Variants in COX20 observed in about 807,000 individuals in gnomAD.
COX20 encodes the protein cytochrome c oxidase assembly protein COX20, mitochondrial.
Under a neutral mutation model 14.3 loss-of-function variants are expected in COX20, and 14 were observed. That is an observed-to-expected ratio of 0.98 (90% CI 0.65 to 1.53). The LOEUF is 1.53. Among genes scored for constraint, COX20 ranks in the 40% most tolerant of loss-of-function variants. COX20 has a pLI of 0.00. For synonymous variants in COX20, 56 were observed against 51.7 expected, an observed-to-expected ratio of 1.08 and a Z score of -0.36; for missense variants, 149 against 142.1, an observed-to-expected ratio of 1.05 and a Z score of -0.25.
At chr1:244,841,466 T>C (rs1680197618) in intron 1 of COX20, 1 of 156,098 alleles carries the variant, frequency 6.4e-6, no homozygotes, top group Non-Finnish European at 1.4e-5. Flanking sequence ...GATGTTAACC[T>C]AGTTAATAAA....
At chr1:244,835,433 T>G, upstream of COX20, 1 of 354,254 alleles carries the variant, frequency 2.8e-6, no homozygotes. Flanking sequence ...AGGAGTCGGT[T>G]TGTTTTCCGA....
chr1:244,836,228 C>T (rs1679977165), intron 1 of COX20, among the ~76,000 whole-genome samples: 2 of 152,188 alleles, frequency 1.3e-5, no homozygotes, highest in South Asian at 2.1e-4. Context: ...TTCCCCATCA[C>T]CAGTAGCCTC....
chr1:244,841,924 GTTC>G lies in COX20; in HGVS notation c.43-17_43-15del, dbSNP rs777796420. The G allele has an allele frequency of 2.2e-5, 32 of 1,427,064 alleles. No individual in the cohort carries two copies. The highest frequency in any genetic ancestry group is 3.1e-5 in the Non-Finnish European group (32 of 1,028,288). 88.4% of individuals were successfully genotyped at this position (1,427,064 alleles called of 1,614,324 possible). A position where few individuals can be genotyped will look rare whatever the true frequency, so the allele number is the denominator to read the frequency against. On this transcript the variant is annotated splice_polypyrimidine_tract_variant and intron_variant, in intron 1 of 3. Transcript: ENST00000411948. ...TGAAATACTTTCTTACTCAATCTAG[GTTC>G]TTTTTTTTCATTCTAGTCCCTTAAG...
chr1:244,835,453 C>T (rs952769056), upstream of COX20: 1 of 376,366 alleles, frequency 2.7e-6, no homozygotes. Context: ...AACCCATCTC[C>T]TTCCGCTCTC....
rs1680330470 is a variant in COX20 at position 244,844,148 on chromosome 1, A to G, written c.*972A>G. 1 of 152,262 alleles carries G rather than the reference A, an allele frequency of 6.6e-6. No individual in the cohort carries two copies. Among genetic ancestry groups the G allele is most frequent in the Admixed American group, 6.5e-5 (1 of 15,288 alleles). 9.4% of individuals were successfully genotyped at this position (152,262 alleles called of 1,614,324 possible). A position where few individuals can be genotyped will look rare whatever the true frequency, so the allele number is the denominator to read the frequency against. ...TATTTTGATGTACCATGGAAGGCAC[A>G]GAAATCGAGCAAGGAAGAAAATATT... On this transcript the variant is annotated 3_prime_UTR_variant, in exon 4 of 4. Coordinates refer to ENST00000411948, the MANE Select transcript of COX20 (RefSeq NM_198076.6).
At chr1:244,835,479 G>C (rs1353097623), upstream of COX20, 3 of 383,866 alleles carry the variant, frequency 7.8e-6, no homozygotes, top group African/African-American at 2.1e-5. Flanking sequence ...CCTGCAGGCT[G>C]TGTGCCGAGC....
chr1:244,843,885 A>G lies in COX20; in HGVS notation c.*709A>G, dbSNP rs1680316462. 1 of 152,232 alleles carries G rather than the reference A, an allele frequency of 6.6e-6. No homozygotes were observed. Among genetic ancestry groups the G allele is most frequent in the African/African-American group, 2.4e-5 (1 of 41,458 alleles). The allele number at this position is 152,232 out of a possible 1,614,324, so 9.4% of individuals were successfully genotyped here. A position where few individuals can be genotyped will look rare whatever the true frequency, so the allele number is the denominator to read the frequency against. On this transcript the variant is annotated 3_prime_UTR_variant, in exon 4 of 4. Coordinates refer to ENST00000411948, the MANE Select transcript of COX20 (RefSeq NM_198076.6). Reference sequence around the variant, plus strand: ...TGAAAGTCAATCAGCTGCTCCCATTAAAATATTATTTAAAATACAATACCC... The same window carrying G: ...TGAAAGTCAATCAGCTGCTCCCATTGAAATATTATTTAAAATACAATACCC...
intron 1 of COX20, among the ~76,000 whole-genome samples, chr1:244,839,433 C>T (rs1680107063): frequency 6.6e-6 from 1 of 152,144 alleles, no homozygotes; most frequent in Non-Finnish European, 1.5e-5. Context: ...AAATGTCTGA[C>T]ATTTCCTTAA....
intron 3 of COX20, chr1:244,842,751 T>C (rs1202388149): frequency 3.7e-6 from 1 of 267,218 alleles, no homozygotes; most frequent in Non-Finnish European, 7.1e-6. Context: ...CGAGAGCAAA[T>C]ACTTGTTTCT....
chr1:244,836,323 A>G (rs576556297), intron 1 of COX20, among the ~76,000 whole-genome samples: 14 of 152,168 alleles, frequency 9.2e-5, no homozygotes, highest in Non-Finnish European at 1.5e-4. Context: ...TAAACTGGAC[A>G]GTTTTCATTC....
intron 1 of COX20, among the ~76,000 whole-genome samples, chr1:244,838,180 A>G: frequency 6.6e-6 from 1 of 152,192 alleles, no homozygotes; most frequent in East Asian, 1.9e-4. Context: ...TTGATGAAGG[A>G]ATCAAGGATG....
At chr1:244,835,593 G>A, upstream of COX20, 1 of 678,932 alleles carries the variant, frequency 1.5e-6, no homozygotes, top group Non-Finnish European at 2.1e-6. Flanking sequence ...GGCGGCCGGC[G>A]CGTCGGAACA....
Position 244,835,762 on chromosome 1 carries a change from C to T in COX20, c.42+6C>T, listed in dbSNP as rs1185584589. ...GTGAGCCCGAGGAGAGGAAGGTAAC[C>T]TGGGGGTCGGCGGGGCGCGCGCCGC... is the stretch of plus-strand genomic sequence containing the variant. On this transcript the variant is annotated splice_donor_region_variant and intron_variant, in intron 1 of 3. Coordinates refer to ENST00000411948, the MANE Select transcript of COX20 (RefSeq NM_198076.6). 1.6e-6 allele frequency: 2 copies of T among 1,251,578 alleles called. No homozygotes were observed. Among genetic ancestry groups the T allele is most frequent in the Non-Finnish European group, 2.0e-6 (2 of 996,028 alleles). The allele number at this position is 1,251,578 out of a possible 1,614,324, so 77.5% of individuals were successfully genotyped here.
At chr1:244,840,567 T>TC (rs1680161035) in intron 1 of COX20, 1 of 152,112 alleles carries the variant, frequency 6.6e-6, no homozygotes, top group African/African-American at 2.4e-5. Flanking sequence ...CTGCAAAGCT[T>TC]TGAAGCAATC....
Position 244,843,255 on chromosome 1 carries a change from A to G in COX20, c.*79A>G. The G allele has an allele frequency of 7.0e-7, 1 of 1,429,650 alleles. No homozygotes were observed. The highest frequency in any genetic ancestry group is 9.4e-7 in the Non-Finnish European group (1 of 1,058,208). 88.6% of individuals were successfully genotyped at this position (1,429,650 alleles called of 1,614,324 possible). On this transcript the variant is annotated 3_prime_UTR_variant, in exon 4 of 4. Transcript: ENST00000411948. ...ACATTTCATGTGCAATAAGCTCTCA[A>G]TCAAGTAAATAAAGTTTAAGTTGTA...
At position 244,835,680 on chromosome 1, in the gene COX20, C is replaced by A; in HGVS notation, c.-35C>A. On this transcript the variant is annotated 5_prime_UTR_variant, in exon 1 of 4. Coordinates refer to ENST00000411948, the MANE Select transcript of COX20 (RefSeq NM_198076.6). ...CGGGCTTCTGCTTCCGCGACCCCGG[C>A]GGTGCAGGGCGGGTGGAGTCGCGGA... 1 of 1,232,298 alleles carries A rather than the reference C, an allele frequency of 8.1e-7. No homozygotes were observed. Among genetic ancestry groups the A allele is most frequent in the African/African-American group, 1.6e-5 (1 of 64,148 alleles). 76.3% of individuals were successfully genotyped at this position (1,232,298 alleles called of 1,614,324 possible).
intron 1 of COX20, among the ~76,000 whole-genome samples, chr1:244,838,928 T>G (rs534586702): frequency 2.6e-5 from 4 of 152,280 alleles, no homozygotes; most frequent in Middle Eastern, 3.4e-3. Context: ...TAGCTGGGAT[T>G]ACAGGCATGT....
chr1:244,841,755 A>G (rs1361811605), intron 1 of COX20, 189 bp from the exon 2 acceptor site: 1 of 525,692 alleles, frequency 1.9e-6, no homozygotes, highest in Non-Finnish European at 3.4e-6. Context: ...AGGTTTTCGG[A>G]TTTAAAGATT....
intron 1 of COX20, chr1:244,836,515 T>G: frequency 6.5e-7 from 1 of 1,550,360 alleles, no homozygotes; most frequent in Non-Finnish European, 8.7e-7. Context: ...TTTATCATAT[T>G]GGAAGGTAAT....
Sources: allele counts gnomAD v4.1 joint callset (sites outside exome capture counted in the v4.1 genomes callset), GRCh38; gene constraint gnomAD v4.1.1; transcripts MANE v1.5; gene names NCBI Gene and HGNC (gene_info 2026-07-23, HGNC 2026-07-21).